Variants in CACNG2 observed in about 807,000 individuals in gnomAD.
The protein encoded by CACNG2 is voltage-dependent calcium channel gamma-2 subunit.
In CACNG2, 3 loss-of-function variants were observed where a neutral mutation model predicts 25.9. The ratio of observed to expected loss-of-function variants is 0.12; its 90% CI spans 0.05 to 0.30. The LOEUF is 0.30. Among genes scored for constraint, CACNG2 ranks in the 10% least tolerant of loss-of-function variants. The probability of loss-of-function intolerance (pLI) is 1.00; values close to 1 mark genes in which losing one functional copy is unlikely to be tolerated. For missense variants in CACNG2, 341 were observed against 432.5 expected, an observed-to-expected ratio of 0.79 and a Z score of 1.88; for synonymous variants, 167 against 173.3, an observed-to-expected ratio of 0.96 and a Z score of 0.29.
Position 36,564,320 on chromosome 22 carries a change from T to G in CACNG2, c.*31A>C, listed in dbSNP as rs1569013651. Reference sequence around the variant, plus strand: ...CCCGCCCCCGGGGACCGCGCCCTCCTCCCGCGGTCTTCTGGCGAGGCCCGC... The same window carrying G: ...CCCGCCCCCGGGGACCGCGCCCTCCGCCCGCGGTCTTCTGGCGAGGCCCGC... On this transcript the variant is annotated 3_prime_UTR_variant, in exon 4 of 4. Coordinates refer to ENST00000300105, the MANE Select transcript of CACNG2 (RefSeq NM_006078.5). The surrounding 1 kb of genome is among the most constrained non-coding windows in gnomAD (Gnocchi z 6.7). 1 of 1,431,576 alleles carries G rather than the reference T, an allele frequency of 7.0e-7. No homozygotes were observed. The highest frequency in any genetic ancestry group is 3.1e-5 in the East Asian group (1 of 32,228). 88.7% of individuals were successfully genotyped at this position (1,431,576 alleles called of 1,614,324 possible).
chr22:36,647,190 G>T (rs1054876689), intron 1 of CACNG2, among the ~76,000 whole-genome samples: 8 of 152,104 alleles, frequency 5.3e-5, no homozygotes, highest in Non-Finnish European at 1.2e-4. Flanking sequence ...TCCTGGTCCA[G>T]GCCATTGTCA....
chr22:36,670,738 C>A (rs1936938031), intron 1 of CACNG2, among the ~76,000 whole-genome samples: 1 of 150,360 alleles, frequency 6.7e-6, no homozygotes, highest in Non-Finnish European at 1.5e-5. Context: ...CTCAAGCGAT[C>A]CTCCCACCTC....
chr22:36,668,095 C>T (rs978288983), intron 1 of CACNG2, among the ~76,000 whole-genome samples: 2 of 152,214 alleles, frequency 1.3e-5, no homozygotes, highest in African/African-American at 2.4e-5. Flanking sequence ...GGAATGGAGG[C>T]TCACTGCTTT....
intron 1 of CACNG2, among the ~76,000 whole-genome samples, chr22:36,632,724 C>T (rs956887504): frequency 1.2e-4 from 19 of 152,054 alleles, no homozygotes; most frequent in African/African-American, 4.1e-4. Context: ...GGTTCTCTTC[C>T]TACCTCACTG....
intron 2 of CACNG2, among the ~76,000 whole-genome samples, chr22:36,575,983 C>T (rs548119993): frequency 5.3e-5 from 8 of 152,342 alleles, no homozygotes; most frequent in Middle Eastern, 3.4e-3. Flanking sequence ...GCTTTCTAGT[C>T]TCTTGGGCAT....
intron 1 of CACNG2, among the ~76,000 whole-genome samples, chr22:36,637,713 C>T (rs989648255): frequency 5.9e-5 from 9 of 152,094 alleles, no homozygotes; most frequent in East Asian, 5.8e-4. Flanking sequence ...AGATAGGTGA[C>T]GGATTAGAAT....
At chr22:36,577,447 C>A (rs1349221404) in intron 2 of CACNG2, among the ~76,000 whole-genome samples, 2 of 151,786 alleles carry the variant, frequency 1.3e-5, no homozygotes, top group Admixed American at 1.3e-4. Flanking sequence ...GTCAAGAGAT[C>A]GAGACCATCC....
chr22:36,609,956 C>T (rs1935910310), intron 1 of CACNG2, among the ~76,000 whole-genome samples: 1 of 151,768 alleles, frequency 6.6e-6, no homozygotes, highest in Non-Finnish European at 1.5e-5. Flanking sequence ...GGAATCAGCC[C>T]CCCAGAGCGT....
At chr22:36,695,890 G>A (rs1276621915) in intron 1 of CACNG2, among the ~76,000 whole-genome samples, 1 of 152,030 alleles carries the variant, frequency 6.6e-6, no homozygotes, top group Non-Finnish European at 1.5e-5. Flanking sequence ...GCTTTACAGG[G>A]GCTCATGAAA....
intron 1 of CACNG2, among the ~76,000 whole-genome samples, chr22:36,615,675 C>T (rs919620887): frequency 7.9e-5 from 12 of 152,130 alleles, no homozygotes; most frequent in Non-Finnish European, 1.2e-4. Flanking sequence ...TTAGAATGGA[C>T]GATCCACGAG....
intron 1 of CACNG2, among the ~76,000 whole-genome samples, chr22:36,616,608 AT>A (rs397709106): frequency 1.2e-3 from 172 of 147,868 alleles, no homozygotes; most frequent in East Asian, 6.5e-3. Flanking sequence ...TCTGGAATTG[AT>A]TTTTTTTTTT....
At chr22:36,647,497 G>A (rs904012654) in intron 1 of CACNG2, among the ~76,000 whole-genome samples, 1 of 152,128 alleles carries the variant, frequency 6.6e-6, no homozygotes, top group South Asian at 2.1e-4. Context: ...TCGGGAGGCT[G>A]AGGCAGGAGA....
chr22:36,569,792 G>A (rs1208389385), intron 2 of CACNG2, among the ~76,000 whole-genome samples: 5 of 152,262 alleles, frequency 3.3e-5, no homozygotes, highest in African/African-American at 1.2e-4. Context: ...CACCGGCCTC[G>A]GCCTTCCAAA....
chr22:36,664,741 T>C (rs762837191), intron 1 of CACNG2, among the ~76,000 whole-genome samples: 3 of 152,270 alleles, frequency 2.0e-5, no homozygotes, highest in Non-Finnish European at 4.4e-5. Context: ...AATTCGATTA[T>C]GCTTGCTAGA....
At position 36,564,299 on chromosome 22, in the gene CACNG2, C is replaced by T. The variant is rs1382498878; in HGVS notation, c.*52G>A. 7.1e-6 allele frequency: 11 copies of T among 1,548,630 alleles called. No homozygotes were observed. Among genetic ancestry groups the T allele is most frequent in the South Asian group, 1.2e-5 (1 of 86,168 alleles). On this transcript the variant is annotated 3_prime_UTR_variant, in exon 4 of 4. Coordinates refer to ENST00000300105, the MANE Select transcript of CACNG2 (RefSeq NM_006078.5). This position sits in a 1 kb window ranked among gnomAD's most constrained non-coding sequence, Gnocchi z 6.7. ...GTCTGGGTCTCCCCGCCCCGCCCCG[C>T]CCCCGGGGACCGCGCCCTCCTCCCG... is the stretch of plus-strand genomic sequence containing the variant.
At chr22:36,604,351 T>A (rs1276944940) in intron 1 of CACNG2, among the ~76,000 whole-genome samples, 13 of 152,352 alleles carry the variant, frequency 8.5e-5, no homozygotes, top group Non-Finnish European at 1.5e-5. Context: ...GCTGTGAACA[T>A]CACTGAAATG....
intron 1 of CACNG2, among the ~76,000 whole-genome samples, chr22:36,634,386 T>G (rs979379693): frequency 6.6e-6 from 1 of 152,228 alleles, no homozygotes; most frequent in Non-Finnish European, 1.5e-5. Context: ...CTTCAGAAGC[T>G]GTGTGTTGGA....
intron 1 of CACNG2, among the ~76,000 whole-genome samples, chr22:36,637,789 G>T (rs1936380379): frequency 6.6e-6 from 1 of 152,148 alleles, no homozygotes; most frequent in South Asian, 2.1e-4. Context: ...GGATGCCAAG[G>T]CAGGCAGATC....
At chr22:36,596,734 C>T (rs1416394050) in intron 1 of CACNG2, among the ~76,000 whole-genome samples, 2 of 152,132 alleles carry the variant, frequency 1.3e-5, no homozygotes, top group African/African-American at 4.8e-5. Flanking sequence ...GCATCCTGTC[C>T]TGGCTCTTGT....
Sources: gnomAD v4.1 joint callset for allele counts (sites outside exome capture counted in the v4.1 genomes callset) on GRCh38, gnomAD v4.1.1 for gene constraint, Gnocchi (gnomAD v3.1) non-coding constraint, MANE v1.5 for transcripts, NCBI Gene and HGNC (gene_info 2026-07-23, HGNC 2026-07-21) for gene names.